KSR1: variants seen among roughly 807,000 people sequenced by gnomAD.
The protein encoded by KSR1 is kinase suppressor of ras.
Under a neutral mutation model 92.9 loss-of-function variants are expected in KSR1, and 35 were observed. That is an observed-to-expected ratio of 0.38 (90% confidence interval 0.29 to 0.50). The LOEUF (loss-of-function observed/expected upper bound fraction) is 0.50, where lower values mean the gene tolerates loss of function less well. Ranked by LOEUF, KSR1 falls within the 20% of genes least tolerant of loss-of-function variation. The pLI, the probability that KSR1 is intolerant of heterozygous loss-of-function variation, is 0.94. For synonymous variants in KSR1, 467 were observed against 472.6 expected (o/e 0.99, Z 0.15); for missense variants, 972 against 1,158.5 (o/e 0.84, Z 2.34).
intron 18 of KSR1, chr17:27,613,233 A>G (rs1195043683): frequency 1.3e-5 from 2 of 152,684 alleles, no homozygotes; most frequent in Non-Finnish European, 2.9e-5. Flanking sequence ...GGCCAGGGCC[A>G]GTTAAACACC....
chr17:27,456,805 C>T lies in KSR1; in HGVS notation c.162C>T (p.Ser54=). Residue 54 remains serine, a synonymous_variant, in exon 1 of 21, where the codon AGC becomes AGT. Coordinates refer to ENST00000644974, the MANE Select transcript of KSR1 (RefSeq NM_001394583.1). The part of the protein sequence containing the change: ...LQKLIDISIG[S]LRGLRTKCAV... Reference sequence around the variant, plus strand: ...AGCTCATCGACATCTCCATCGGCAGCCTGCGCGGGCTGCGCACCAAGTGCG... The same window carrying T: ...AGCTCATCGACATCTCCATCGGCAGTCTGCGCGGGCTGCGCACCAAGTGCG... The T allele has an allele frequency of 1.3e-6, 2 of 1,541,840 alleles. No homozygotes were observed. Among genetic ancestry groups the T allele is most frequent in the Non-Finnish European group, 1.8e-6 (2 of 1,130,140 alleles).
At chr17:27,523,021 G>A (rs1034928010) in intron 1 of KSR1, among the ~76,000 whole-genome samples, 1 of 152,308 alleles carries the variant, frequency 6.6e-6, no homozygotes, top group East Asian at 1.9e-4. Context: ...CTCTCACACA[G>A]GGCCCTGGGG....
In KSR1 at chr17:27,601,415, A is replaced by G; in HGVS notation, c.1510+14A>G. ...TTATCTTTCCAGGTGAGTCCTTTGC[A>G]TGGTTCCATTAACTGCCCTTTGCTG... On this transcript the variant is annotated intron_variant, in intron 11 of 20. Coordinates refer to ENST00000644974, the MANE Select transcript of KSR1 (RefSeq NM_001394583.1). 6.2e-7 allele frequency: 1 copy of G among 1,611,488 alleles called. No homozygotes were observed. Among genetic ancestry groups the G allele is most frequent in the Non-Finnish European group, 8.5e-7 (1 of 1,177,700 alleles).
chr17:27,545,989 T>A (rs1052931944), intron 1 of KSR1, among the ~76,000 whole-genome samples: 1 of 152,214 alleles, frequency 6.6e-6, no homozygotes, highest in Non-Finnish European at 1.5e-5. Context: ...ACAGAAGGGC[T>A]CTAGTGCTGC....
At chr17:27,546,781 G>A (rs2071191407) in intron 1 of KSR1, among the ~76,000 whole-genome samples, 1 of 152,270 alleles carries the variant, frequency 6.6e-6, no homozygotes, top group Admixed American at 6.5e-5. Flanking sequence ...GGGCACATGA[G>A]TGCATCCTCT....
chr17:27,609,499 C>G (rs2073856231), intron 16 of KSR1, among the ~76,000 whole-genome samples, 170 bp downstream of exon 16: 1 of 152,138 alleles, frequency 6.6e-6, no homozygotes, highest in Admixed American at 6.5e-5. Context: ...AGATTTGGGT[C>G]GCGTTTGGAT....
intron 1 of KSR1, among the ~76,000 whole-genome samples, chr17:27,516,176 T>C (rs2069786120): frequency 6.6e-6 from 1 of 152,260 alleles, no homozygotes. Flanking sequence ...GCTAGTTACC[T>C]GATCTCTGTC....
chr17:27,507,384 G>A (rs1226983246), intron 1 of KSR1, among the ~76,000 whole-genome samples: 1 of 151,964 alleles, frequency 6.6e-6, no homozygotes, highest in South Asian at 2.1e-4. Flanking sequence ...AGTGAGCCAA[G>A]ATCATGCCAC....
chr17:27,510,579 G>A (rs928444260), intron 1 of KSR1, among the ~76,000 whole-genome samples: 3 of 152,174 alleles, frequency 2.0e-5, no homozygotes, highest in African/African-American at 7.2e-5. Context: ...CTTAGCTTAA[G>A]GTAATTTAGG....
At chr17:27,576,951 G>A (rs2072529875) in intron 2 of KSR1, among the ~76,000 whole-genome samples, 1 of 152,132 alleles carries the variant, frequency 6.6e-6, no homozygotes. Flanking sequence ...ATCTCTCTGA[G>A]CCTCTTTCTT....
chr17:27,580,855 C>T (rs1292156945), intron 3 of KSR1, among the ~76,000 whole-genome samples: 1 of 152,112 alleles, frequency 6.6e-6, no homozygotes, highest in Non-Finnish European at 1.5e-5. Context: ...CAACCTCTGC[C>T]TCCCGGGTTC....
intron 2 of KSR1, chr17:27,566,309 C>G (rs1232488222): frequency 2.5e-6 from 1 of 394,788 alleles, no homozygotes; most frequent in African/African-American, 2.1e-5. Flanking sequence ...TGCTGACTCC[C>G]CAGCTCCCAG....
chr17:27,547,837 C>T (rs781039700), intron 1 of KSR1, among the ~76,000 whole-genome samples: 4 of 152,234 alleles, frequency 2.6e-5, no homozygotes, highest in East Asian at 3.9e-4. Context: ...CTCAGCCTCC[C>T]GAGTAGCTGG....
chr17:27,594,410 T>C (rs1238237818), intron 9 of KSR1, among the ~76,000 whole-genome samples: 1 of 151,920 alleles, frequency 6.6e-6, no homozygotes, highest in Non-Finnish European at 1.5e-5. Flanking sequence ...ACACCCCCCA[T>C]GCCTGTGGGT....
At chr17:27,458,519 C>T (rs935190246) in intron 1 of KSR1, among the ~76,000 whole-genome samples, 5 of 152,156 alleles carry the variant, frequency 3.3e-5, no homozygotes, top group African/African-American at 7.2e-5. Flanking sequence ...GGCCTTTTGT[C>T]CTACCCTAAC....
At position 27,600,719 on chromosome 17, in the gene KSR1, C is replaced by T. The variant is rs150256786; in HGVS notation, c.1469-641C>T. 5.1e-4 allele frequency among the ~76,000 whole-genome samples: 77 copies of T among 152,248 alleles called. No homozygotes were observed. The East Asian group carries it at 6.0e-3, about 12-fold the overall frequency. On this transcript the variant is annotated intron_variant, in intron 10 of 20. Transcript: ENST00000644974. ...CCCACTCCATTATAATTAGGGCCAC[C>T]GTCATGTATGTGGTCCCTTGTTGAC... is the stretch of plus-strand genomic sequence containing the variant.
chr17:27,551,808 C>A (rs955425289), intron 2 of KSR1, among the ~76,000 whole-genome samples: 1 of 152,244 alleles, frequency 6.6e-6, no homozygotes, highest in Admixed American at 6.5e-5. Context: ...GTCCAGGCCG[C>A]TGTCACCTCC....
At chr17:27,607,415 C>T (rs150627696) in intron 14 of KSR1, among the ~76,000 whole-genome samples, 29 of 152,248 alleles carry the variant, frequency 1.9e-4, no homozygotes, top group East Asian at 7.7e-4. Flanking sequence ...GTCACCTTGA[C>T]GCCCCTAACA....
At position 27,550,742 on chromosome 17, in the gene KSR1, A is replaced by C. The variant is rs768937170; in HGVS notation, c.372+34A>C. The C allele has an allele frequency of 5.3e-6, 4 of 750,416 alleles. No homozygotes were observed. In the African/African-American group the frequency reaches 6.8e-5, roughly 13 times the overall value. The allele number at this position is 750,416 out of a possible 1,614,324, so 46.5% of individuals were successfully genotyped here. ...GCTGGTTCTCAGCATAGGGATAGGC[A>C]TGAGGGGCCAAGCAGAGGGAACACA... On this transcript the variant is annotated intron_variant, in intron 2 of 20. Coordinates refer to ENST00000644974, the MANE Select transcript of KSR1 (RefSeq NM_001394583.1).
Sources: allele counts gnomAD v4.1 joint callset (sites outside exome capture counted in the v4.1 genomes callset), GRCh38; gene constraint gnomAD v4.1.1; transcripts MANE v1.5; gene names NCBI Gene and HGNC (gene_info 2026-07-23, HGNC 2026-07-21).